Variants in PSD3 observed in about 807,000 individuals in gnomAD.
The protein encoded by PSD3 is PH and SEC7 domain-containing protein 3.
In PSD3, 49 loss-of-function variants were observed where a neutral mutation model predicts 105.5. That is an observed-to-expected ratio of 0.46 (90% confidence interval 0.37 to 0.59). The LOEUF is 0.59. PSD3 is among the 20% of genes least tolerant of loss of function. The pLI, the probability that PSD3 is intolerant of heterozygous loss-of-function variation, is 0.00. For missense variants in PSD3, 1,561 were observed against 1,263.8 expected (o/e 1.24, Z -3.57); for synonymous variants, 557 against 457.8 (o/e 1.22, Z -2.77).
chr8:18,888,482 C>T (rs969831725), intron 2 of PSD3, among the ~76,000 whole-genome samples: 1 of 148,820 alleles, frequency 6.7e-6, no homozygotes, highest in Non-Finnish European at 1.5e-5. Context: ...CAATTTCCAT[C>T]TGAAAAAAAA....
chr8:18,867,570 G>T, intron 4 of PSD3, 104 bp downstream of exon 4: 1 of 1,403,752 alleles, frequency 7.1e-7, no homozygotes, highest in Non-Finnish European at 9.6e-7. Context: ...TATGTCCACA[G>T]AAATTGGCCA....
At chr8:18,979,032 C>G (rs979673413) in intron 1 of PSD3, among the ~76,000 whole-genome samples, 2 of 152,090 alleles carry the variant, frequency 1.3e-5, no homozygotes, top group Non-Finnish European at 2.9e-5. Flanking sequence ...ACTATAATCC[C>G]TTTACCACTG....
chr8:18,684,204 CCACACACACACACACACACACACACA>C (rs67855105), intron 9 of PSD3: 6 of 195,554 alleles, frequency 3.1e-5, no homozygotes, highest in Admixed American at 2.9e-4. Context: ...TCTCTCTTTT[CCACACACACACACACACACACACACA>C]CACACACACA....
At chr8:18,792,826 G>A (rs1480653283) in intron 8 of PSD3, among the ~76,000 whole-genome samples, 2 of 152,172 alleles carry the variant, frequency 1.3e-5, no homozygotes, top group Non-Finnish European at 2.9e-5. Flanking sequence ...CCATTACTGG[G>A]CATATACCCA....
chr8:18,556,832 G>A (rs139941713), intron 14 of PSD3, among the ~76,000 whole-genome samples: 170 of 152,254 alleles, frequency 1.1e-3, no homozygotes, highest in Middle Eastern at 3.4e-3. Context: ...GCAGAGCTAC[G>A]AAGAAAAATT....
chr8:18,657,330 T>C (rs1293144541), intron 9 of PSD3, among the ~76,000 whole-genome samples: 1 of 152,254 alleles, frequency 6.6e-6, no homozygotes, highest in Non-Finnish European at 1.5e-5. Context: ...GTAGAATTTA[T>C]ATTATTTACG....
chr8:18,788,371 C>T (rs146065130), intron 8 of PSD3, among the ~76,000 whole-genome samples: 193 of 152,292 alleles, frequency 1.3e-3, no homozygotes, highest in African/African-American at 3.8e-3. Context: ...ATACAAGCTT[C>T]GGCACCAAAC....
chr8:18,871,310 T>A (rs924525515), intron 3 of PSD3, among the ~76,000 whole-genome samples: 1 of 152,218 alleles, frequency 6.6e-6, no homozygotes, highest in African/African-American at 2.4e-5. Flanking sequence ...TACCTTGACG[T>A]TGGGAAACTT....
At chr8:18,793,894 ATGGAAGTCTGTG>A (rs1402030937) in intron 8 of PSD3, among the ~76,000 whole-genome samples, 35 of 152,232 alleles carry the variant, frequency 2.3e-4, no homozygotes, top group Non-Finnish European at 4.4e-4. Flanking sequence ...CATCAATATC[ATGGAAGTCTGTG>A]ATGTTTTTGA....
chr8:18,654,724 C>T (rs1220580258), intron 10 of PSD3, among the ~76,000 whole-genome samples: 1 of 152,146 alleles, frequency 6.6e-6, no homozygotes, highest in Non-Finnish European at 1.5e-5. Context: ...TGATAACACA[C>T]ATTGGCATTG....
intron 15 of PSD3, among the ~76,000 whole-genome samples, chr8:18,538,996 C>T (rs1799994029): frequency 6.6e-6 from 1 of 152,138 alleles, no homozygotes; most frequent in African/African-American, 2.4e-5. Flanking sequence ...AAACGCCGTG[C>T]CCCATTTCTG....
intron 10 of PSD3, among the ~76,000 whole-genome samples, chr8:18,651,541 T>A (rs907846772): frequency 6.6e-6 from 1 of 152,210 alleles, no homozygotes; most frequent in Admixed American, 6.5e-5. Flanking sequence ...TCATTACATA[T>A]AAACACTATG....
At chr8:19,046,381 A>G (rs1298780727) in intron 1 of PSD3, among the ~76,000 whole-genome samples, 1 of 152,164 alleles carries the variant, frequency 6.6e-6, no homozygotes, top group African/African-American at 2.4e-5. Flanking sequence ...AAGTGTTGGG[A>G]TTACAGGCTG....
chr8:18,765,004 T>C (rs1806855238), intron 9 of PSD3, among the ~76,000 whole-genome samples: 2 of 152,238 alleles, frequency 1.3e-5, no homozygotes, highest in South Asian at 2.1e-4. Context: ...CATTCTACAA[T>C]TACTGAGAAT....
chr8:19,081,796 A>G (rs2129478373), intron 1 of PSD3, among the ~76,000 whole-genome samples: 1 of 152,338 alleles, frequency 6.6e-6, no homozygotes, highest in Admixed American at 6.5e-5. Flanking sequence ...CCTGCAAAGA[A>G]GAAAGTTTAC....
At chr8:18,571,240 T>C (rs1416705122) in intron 14 of PSD3, among the ~76,000 whole-genome samples, 1 of 152,128 alleles carries the variant, frequency 6.6e-6, no homozygotes, top group East Asian at 1.9e-4. Context: ...CCTTTCATGA[T>C]TTGGCCTTTG....
chr8:18,963,190 C>T (rs533025775), intron 1 of PSD3, among the ~76,000 whole-genome samples: 4 of 152,264 alleles, frequency 2.6e-5, no homozygotes, highest in Admixed American at 1.3e-4. Flanking sequence ...TATGGGGGAA[C>T]CGCCCCCATG....
At chr8:18,611,042 T>C (rs190501118) in intron 11 of PSD3, among the ~76,000 whole-genome samples, 185 of 152,238 alleles carry the variant, frequency 1.2e-3, no homozygotes, top group Middle Eastern at 3.4e-3. Context: ...CCTAAATAAT[T>C]TACATATACA....
intron 1 of PSD3, among the ~76,000 whole-genome samples, chr8:18,981,124 G>A (rs1402049809): frequency 6.6e-6 from 1 of 152,088 alleles, no homozygotes; most frequent in Non-Finnish European, 1.5e-5. Flanking sequence ...AACAGTCAAT[G>A]ACTGCTGGGC....
Sources: gnomAD v4.1 joint callset for allele counts (sites outside exome capture counted in the v4.1 genomes callset) on GRCh38, gnomAD v4.1.1 for gene constraint, MANE v1.5 for transcripts, NCBI Gene and HGNC (gene_info 2026-07-23, HGNC 2026-07-21) for gene names.